SULF1: variants seen among roughly 807,000 people sequenced by gnomAD.
SULF1 encodes the protein sulfatase 1.
A neutral mutation model predicts 110.5 loss-of-function variants in SULF1; 46 were observed. The observed-to-expected ratio is 0.42, with a 90% CI of 0.33 to 0.53. The LOEUF (loss-of-function observed/expected upper bound fraction) is 0.53. Ranked by LOEUF, SULF1 falls within the 20% of genes least tolerant of loss-of-function variation. The pLI, the probability that SULF1 is intolerant of heterozygous loss-of-function variation, is 0.12. For synonymous variants in SULF1, 371 were observed against 387.1 expected (o/e 0.96, Z 0.49); for missense variants, 941 against 1,094.2 (o/e 0.86, Z 1.98).
At chr8:69,586,539 A>G (rs1806475691) in intron 7 of SULF1, 31 bp downstream of exon 7, 1 of 1,597,278 alleles carries the variant, frequency 6.3e-7, no homozygotes, top group East Asian at 2.2e-5. Flanking sequence ...CACTGCATCA[A>G]TTTACTTTGT....
At position 69,621,191 on chromosome 8, in the gene SULF1, C is replaced by T. The variant is rs754990510; in HGVS notation, c.1534C>T (p.Arg512Cys). The stretch of plus-strand genomic sequence containing the variant: ...GTGCAGTTGTAGGGAGTCTGGTTAC[C>T]GTGCCAGCAGAAGCCAAAGAAAGAG... ...KECSCRESGY[R>C]ASRSQRKSQR... The change falls in exon 14 of 23, where the codon CGT becomes TGT. Residue 512 changes from arginine to cysteine, a missense_variant. This residue lies in a region of SULF1 where 822 missense variants were observed against 934.3 expected (regional missense o/e 0.88). Coordinates refer to ENST00000402687, the MANE Select transcript of SULF1 (RefSeq NM_001128205.2). 6 of 1,613,984 alleles carry T rather than the reference C, an allele frequency of 3.7e-6. No homozygotes were observed. The highest frequency in any genetic ancestry group is 3.3e-5 in the South Asian group (3 of 91,068).
intron 19 of SULF1, among the ~76,000 whole-genome samples, chr8:69,637,421 C>T (rs975036620): frequency 2.6e-5 from 4 of 152,152 alleles, no homozygotes; most frequent in African/African-American, 9.7e-5. Context: ...CCATTTTGAA[C>T]TCAAATAAGA....
intron 3 of SULF1, among the ~76,000 whole-genome samples, chr8:69,556,949 G>A (rs1051235525): frequency 5.9e-5 from 9 of 151,986 alleles, no homozygotes; most frequent in East Asian, 1.9e-4. Context: ...AGGCCCCAGC[G>A]TGTGCTGTTC....
Position 69,589,038 on chromosome 8 carries a change from CCCCATAGG to C in SULF1, c.635_642del (p.His212ArgfsTer22). ...CTTCAAAATGTCTAAGAGAATGTAT[CCCCATAGG>C]CCCGTTATGATGGTGATCAGCCACG... On this transcript the variant is annotated frameshift_variant, in exon 8 of 23. Transcript: ENST00000402687. LOFTEE classifies it high-confidence loss of function. 6.2e-7 allele frequency: 1 copy of C among 1,614,170 alleles called. No individual in the cohort carries two copies. The highest frequency in any genetic ancestry group is 8.5e-7 in the Non-Finnish European group (1 of 1,179,998).
chr8:69,469,854 C>T (rs1345188423), intron 1 of SULF1, among the ~76,000 whole-genome samples: 1 of 152,140 alleles, frequency 6.6e-6, no homozygotes, highest in African/African-American at 2.4e-5. Context: ...CCAGCCTGGC[C>T]AACATGGTGA....
upstream of SULF1, among the ~76,000 whole-genome samples, chr8:69,489,863 G>A (rs1809855659): frequency 6.6e-6 from 1 of 151,986 alleles, no homozygotes; most frequent in Non-Finnish European, 1.5e-5. Context: ...CGTTTTTCAA[G>A]AATACTGTCG....
Position 69,621,141 on chromosome 8 carries a change from G to C in SULF1, c.1484G>C (p.Arg495Pro). ...CAGAGCACGCGGAACCTCTACGCTC[G>C]CGGCTTCCATGACAAAGACAAAGAG... ...VRQSTRNLYA[R>P]GFHDKDKECS... The change falls in exon 14 of 23, where the codon CGC (arginine) becomes CCC (proline). Residue 495 changes from arginine (R) to proline (P), a missense_variant. Coordinates refer to ENST00000402687, the MANE Select transcript of SULF1 (RefSeq NM_001128205.2). 6.2e-7 allele frequency: 1 copy of C among 1,614,094 alleles called. No individual in the cohort carries two copies. The highest frequency in any genetic ancestry group is 8.5e-7 in the Non-Finnish European group (1 of 1,180,002).
intron 6 of SULF1, among the ~76,000 whole-genome samples, chr8:69,581,229 A>G (rs917916211): frequency 6.6e-6 from 1 of 152,248 alleles, no homozygotes; most frequent in Non-Finnish European, 1.5e-5. Context: ...CGTGAAATCC[A>G]TCACCCTAAG....
chr8:69,626,142 AGG>A, intron 15 of SULF1: 1 of 45,328 alleles, frequency 2.2e-5, no homozygotes, highest in Non-Finnish European at 4.9e-5. Flanking sequence ...CTAGACATAA[AGG>A]TTCTCCAAGG....
intron 10 of SULF1, 107 bp from the exon 11 acceptor site, chr8:69,603,085 G>T (rs960431130): frequency 6.7e-7 from 1 of 1,484,370 alleles, no homozygotes; most frequent in South Asian, 1.2e-5. Context: ...CAGATGAGAG[G>T]GTGAGAAGAG....
intron 3 of SULF1, among the ~76,000 whole-genome samples, chr8:69,515,432 A>G (rs1030084851): frequency 6.6e-6 from 1 of 152,158 alleles, no homozygotes; most frequent in Admixed American, 6.5e-5. Flanking sequence ...TGCATAGAAC[A>G]GTGGGGCCCT....
rs151096703 is a variant in SULF1, at chr8:69,517,754, A to C, written c.-134+15786A>C. Among the ~76,000 whole-genome samples the C allele has an allele frequency of 4.3e-4, 65 of 152,334 alleles. 1 individual carries two copies. Among genetic ancestry groups the C allele is most frequent in the South Asian group, 2.9e-3 (14 of 4,826 alleles). On this transcript the variant is annotated intron_variant, in intron 3 of 22. Transcript: ENST00000402687. ...AGTCAATAGACAGCAAAGAGGAAAT[A>C]GAAAACAGTTTCTCTATATTTTCAT...
At chr8:69,616,593 G>T (rs1217329633) in intron 13 of SULF1, among the ~76,000 whole-genome samples, 2 of 151,790 alleles carry the variant, frequency 1.3e-5, no homozygotes, top group African/African-American at 2.4e-5. Flanking sequence ...GTAGAGACGG[G>T]GTTTCACCAT....
intron 8 of SULF1, among the ~76,000 whole-genome samples, chr8:69,591,803 T>C (rs1806929634): frequency 1.3e-5 from 2 of 152,164 alleles, no homozygotes. Flanking sequence ...GTTAACAAAA[T>C]TTTATTGACA....
chr8:69,571,858 G>A (rs1469499489), intron 5 of SULF1, among the ~76,000 whole-genome samples: 1 of 152,220 alleles, frequency 6.6e-6, no homozygotes, highest in African/African-American at 2.4e-5. Context: ...CCATTAAAAG[G>A]TGCTCGATGC....
At chr8:69,623,018 T>C (rs1222668642) in intron 14 of SULF1, among the ~76,000 whole-genome samples, 2 of 152,282 alleles carry the variant, frequency 1.3e-5, no homozygotes, top group East Asian at 1.9e-4. Flanking sequence ...GCCAGACGAA[T>C]ATGCCTCTAC....
intron 3 of SULF1, among the ~76,000 whole-genome samples, chr8:69,559,525 G>C (rs1253073613): frequency 1.3e-5 from 2 of 152,168 alleles, no homozygotes; most frequent in African/African-American, 2.4e-5. Flanking sequence ...TAACTTGAAA[G>C]GTAGATTTCT....
At chr8:69,515,141 C>T (rs1339771040) in intron 3 of SULF1, among the ~76,000 whole-genome samples, 2 of 152,166 alleles carry the variant, frequency 1.3e-5, no homozygotes, top group Non-Finnish European at 2.9e-5. Flanking sequence ...TCCCACATTT[C>T]CCCTCCATAC....
chr8:69,622,625 G>A (rs1809704870), intron 14 of SULF1, among the ~76,000 whole-genome samples: 1 of 152,016 alleles, frequency 6.6e-6, no homozygotes, highest in Non-Finnish European at 1.5e-5. Context: ...ACCCCAGCAT[G>A]CTCTTTTTTC....
Sources: allele counts gnomAD v4.1 joint callset (sites outside exome capture counted in the v4.1 genomes callset), GRCh38; gene constraint gnomAD v4.1.1; regional missense constraint gnomAD v4.1.1; transcripts MANE v1.5; gene names NCBI Gene and HGNC (gene_info 2026-07-23, HGNC 2026-07-21).